The following FAF1 variants were observed in gnomAD, a reference collection of about 807,000 sequenced individuals.
FAF1 encodes Fas associated factor 1, also known as FAS-associated factor 1.
In FAF1, 25 loss-of-function variants were observed where a neutral mutation model predicts 92.5. The ratio of observed to expected loss-of-function variants is 0.27; its 90% CI spans 0.20 to 0.38. The LOEUF is 0.38. Ranked by LOEUF, FAF1 falls within the 10% of genes least tolerant of loss-of-function variation. The pLI is 1.00. For synonymous variants in FAF1, 234 were observed against 273.2 expected, an observed-to-expected ratio of 0.86 and a Z score of 1.42; for missense variants, 636 against 793.3, an observed-to-expected ratio of 0.80 and a Z score of 2.38.
At chr1:50,698,700 G>A (rs1657335997) in intron 7 of FAF1, among the ~76,000 whole-genome samples, 1 of 152,020 alleles carries the variant, frequency 6.6e-6, no homozygotes, top group Non-Finnish European at 1.5e-5. Context: ...TTTGCTGGTG[G>A]AAGGTTTGGG....
At chr1:50,690,676 C>T (rs1224646418) in intron 7 of FAF1, among the ~76,000 whole-genome samples, 1 of 152,118 alleles carries the variant, frequency 6.6e-6, no homozygotes, top group Non-Finnish European at 1.5e-5. Flanking sequence ...ATTTAAAATG[C>T]ATTGTGCTAC....
At chr1:50,917,690 AAAGGAAAG>A (rs1195902757) in intron 1 of FAF1, among the ~76,000 whole-genome samples, 1 of 149,970 alleles carries the variant, frequency 6.7e-6, no homozygotes, top group Admixed American at 6.7e-5. Flanking sequence ...AAAGGAAAGG[AAAGGAAAG>A]GAAAAGAAAG....
chr1:50,691,514 T>C (rs536731293), intron 7 of FAF1, among the ~76,000 whole-genome samples: 2 of 152,348 alleles, frequency 1.3e-5, no homozygotes, highest in African/African-American at 4.8e-5. Flanking sequence ...AGTACTGGGA[T>C]TACCGGCATG....
intron 7 of FAF1, among the ~76,000 whole-genome samples, chr1:50,703,088 T>C (rs1372714384): frequency 2.0e-5 from 3 of 151,934 alleles, no homozygotes; most frequent in Non-Finnish European, 2.9e-5. Flanking sequence ...CCCTCAATTA[T>C]ATTAGTCAGG....
chr1:50,626,670 A>G (rs940974096), intron 8 of FAF1, among the ~76,000 whole-genome samples: 17 of 152,152 alleles, frequency 1.1e-4, no homozygotes, highest in African/African-American at 4.1e-4. Context: ...TTTACATGGG[A>G]AGATTTAAGC....
chr1:50,799,073 A>G (rs1219048187), intron 3 of FAF1, among the ~76,000 whole-genome samples: 1 of 152,160 alleles, frequency 6.6e-6, no homozygotes, highest in Non-Finnish European at 1.5e-5. Context: ...CGGCCTCCCA[A>G]AGTGCTGGAA....
intron 7 of FAF1, among the ~76,000 whole-genome samples, chr1:50,691,643 G>A (rs1481195060): frequency 1.3e-5 from 2 of 151,912 alleles, no homozygotes; most frequent in Non-Finnish European, 2.9e-5. Context: ...CCAGGCTGGA[G>A]TGCAATGGCG....
intron 2 of FAF1, among the ~76,000 whole-genome samples, chr1:50,826,251 G>A (rs773953456): frequency 6.6e-6 from 1 of 152,164 alleles, no homozygotes; most frequent in Admixed American, 6.5e-5. Context: ...AAAGAATCCA[G>A]TAAAAACTGG....
chr1:50,847,419 T>TAAA (rs57172783), intron 2 of FAF1, among the ~76,000 whole-genome samples: 1 of 119,616 alleles, frequency 8.4e-6, no homozygotes, highest in South Asian at 2.6e-4. Flanking sequence ...TGCCTGAAAT[T>TAAA]AAAAAAAAAA....
intron 6 of FAF1, among the ~76,000 whole-genome samples, chr1:50,731,189 G>GGCAAAAATTGGACACGAGCTA: frequency 6.6e-6 from 1 of 152,194 alleles, no homozygotes; most frequent in South Asian, 2.1e-4. Flanking sequence ...GTCACAGGTT[G>GGCAAAAATTGGACACGAGCTA]GACAACTAGG....
chr1:50,669,912 G>C (rs909780224), intron 7 of FAF1, among the ~76,000 whole-genome samples: 16 of 151,970 alleles, frequency 1.1e-4, no homozygotes, highest in Non-Finnish European at 2.4e-4. Flanking sequence ...ACTTGAGGTC[G>C]GGAGTTCGAG....
chr1:50,631,061 A>G (rs1394688383), intron 8 of FAF1, among the ~76,000 whole-genome samples: 2 of 151,978 alleles, frequency 1.3e-5, no homozygotes, highest in Non-Finnish European at 2.9e-5. Flanking sequence ...AAGTGCTGGG[A>G]TTATAGGCAT....
chr1:50,466,878 A>C (rs1572761955), intron 18 of FAF1, among the ~76,000 whole-genome samples: 1 of 152,118 alleles, frequency 6.6e-6, no homozygotes. Context: ...TCAACATTAG[A>C]CCTTTTTCCT....
At chr1:50,776,679 CA>C (rs111677187) in intron 4 of FAF1, among the ~76,000 whole-genome samples, 1,585 of 139,830 alleles carry the variant, frequency 0.011, 14 homozygotes, top group Non-Finnish European at 0.018. Flanking sequence ...TTTCTTAAAA[CA>C]AAAAAAAAAA....
Position 50,956,010 on chromosome 1 carries a change from T to C in FAF1, c.45+3757A>G, listed in dbSNP as rs76797724. Among the ~76,000 whole-genome samples the C allele has an allele frequency of 7.0e-4, 107 of 152,296 alleles. 5 individuals carry two copies. The East Asian group carries it at 0.02, about 28-fold the overall frequency. On this transcript the variant is annotated intron_variant, in intron 1 of 18. Coordinates refer to ENST00000396153, the MANE Select transcript of FAF1 (RefSeq NM_007051.3). ...AGGAGAGAGGGATATAAGGACTTAT[T>C]GTTAAATAAGTACGGTAACAGATTT...
chr1:50,581,509 AT>A (rs1254029899), intron 12 of FAF1, among the ~76,000 whole-genome samples: 1 of 152,082 alleles, frequency 6.6e-6, no homozygotes, highest in African/African-American at 2.4e-5. Flanking sequence ...CATTTACTGA[AT>A]TTTTACTAAG....
chr1:50,457,724 C>CAAAAAAAAAAAAAAAAAAAA lies in FAF1; in HGVS notation c.1870-16221_1870-16202dup, dbSNP rs35479561. Among the ~76,000 whole-genome samples, 210 of 56,524 alleles carry CAAAAAAAAAAAAAAAAAAAA rather than the reference C, an allele frequency of 3.7e-3. 2 individuals are homozygous for CAAAAAAAAAAAAAAAAAAAA. The highest frequency in any genetic ancestry group is 5.2e-3 in the Non-Finnish European group (172 of 33,380). The allele number at this position is 56,524 out of a possible 152,430, so 37.1% of individuals were successfully genotyped here. On this transcript the variant is annotated intron_variant, in intron 18 of 18. Transcript: ENST00000396153. ...GCAATTCGGTGAAACCCCATCTCTG[C>CAAAAAAAAAAAAAAAAAAAA]AAAAAAAAAAAAAAAAAAAAAATAC...
At chr1:50,936,855 T>C (rs1052102363) in intron 1 of FAF1, among the ~76,000 whole-genome samples, 2 of 151,956 alleles carry the variant, frequency 1.3e-5, no homozygotes. Context: ...GAATAAAACA[T>C]AGGATCAATG....
intron 15 of FAF1, among the ~76,000 whole-genome samples, chr1:50,526,560 TC>T (rs1647816952): frequency 6.6e-6 from 1 of 152,122 alleles, no homozygotes; most frequent in East Asian, 1.9e-4. Flanking sequence ...TGCCTCTGCC[TC>T]CCAAAGGGCT....
Sources: allele counts gnomAD v4.1 joint callset (sites outside exome capture counted in the v4.1 genomes callset), GRCh38; gene constraint gnomAD v4.1.1; transcripts MANE v1.5; gene names NCBI Gene and HGNC (gene_info 2026-07-23, HGNC 2026-07-21).